RALYL: variants seen among roughly 807,000 people sequenced by gnomAD.
The protein encoded by RALYL is RNA-binding Raly-like protein.
Under a neutral mutation model 35.1 loss-of-function variants are expected in RALYL, and 29 were observed. The ratio of observed to expected loss-of-function variants is 0.83; its 90% CI spans 0.61 to 1.13. RALYL has a LOEUF of 1.13. Among genes scored for constraint, RALYL ranks in the 50% most tolerant of loss-of-function variants. The pLI is 0.00. For missense variants in RALYL, 359 were observed against 360.4 expected (o/e 1.00, Z 0.03); for synonymous variants, 120 against 127.6 (o/e 0.94, Z 0.40).
chr8:84,855,368 A>C (rs1315302906), intron 5 of RALYL, among the ~76,000 whole-genome samples: 2 of 152,240 alleles, frequency 1.3e-5, no homozygotes, highest in Non-Finnish European at 2.9e-5. Flanking sequence ...GGAGACTCTA[A>C]TGTGATTGAG....
chr8:84,460,823 T>C (rs1045245122), intron 1 of RALYL, among the ~76,000 whole-genome samples: 4 of 151,582 alleles, frequency 2.6e-5, no homozygotes, highest in Admixed American at 6.6e-5. Context: ...ACTATAGATA[T>C]AACAAATATA....
intron 2 of RALYL, chr8:84,679,878 T>A: frequency 2.8e-6 from 1 of 355,060 alleles, no homozygotes; most frequent in South Asian, 2.4e-5. Context: ...TACTTTAAGT[T>A]TTAGGGTACA....
rs753106572 is a variant in RALYL, at chr8:84,183,387, T to A, written c.-1061T>A. 1 of 153,826 alleles carries A rather than the reference T, an allele frequency of 6.5e-6. No homozygotes were observed. The highest frequency in any genetic ancestry group is 1.5e-5 in the Non-Finnish European group (1 of 68,748). The allele number at this position is 153,826 out of a possible 1,614,324, so 9.5% of individuals were successfully genotyped here. A position where few individuals can be genotyped will look rare whatever the true frequency, so the allele number is the denominator to read the frequency against. ...GCCGCCGCCGCCTCGCCAGCCAGAG[T>A]TGGGCTCCGTGGGCTTCCCCCCTCG... On this transcript the variant is annotated 5_prime_UTR_variant, in exon 1 of 9. The change creates a new upstream start codon in the 5' untranslated region. Coordinates refer to ENST00000521268, the MANE Select transcript of RALYL (RefSeq NM_173848.7).
intron 1 of RALYL, among the ~76,000 whole-genome samples, chr8:84,239,148 C>G (rs1375610826): frequency 6.6e-6 from 1 of 152,104 alleles, no homozygotes; most frequent in East Asian, 1.9e-4. Context: ...TATGGTTTGA[C>G]CATTCCATGG....
intron 1 of RALYL, among the ~76,000 whole-genome samples, chr8:84,364,011 T>C (rs6982764): frequency 0.063 from 9,659 of 152,196 alleles, 374 homozygotes; most frequent in African/African-American, 0.086. Flanking sequence ...CATGCCTACC[T>C]ATTGTTCTAC....
chr8:84,798,134 C>CTAAT (rs1347610195), intron 3 of RALYL, among the ~76,000 whole-genome samples: 1 of 152,130 alleles, frequency 6.6e-6, no homozygotes, highest in African/African-American at 2.4e-5. Context: ...ATTTAATATA[C>CTAAT]TAATTCTGCA....
chr8:84,580,591 T>C (rs1010047821), intron 2 of RALYL, among the ~76,000 whole-genome samples: 8 of 152,124 alleles, frequency 5.3e-5, no homozygotes, highest in African/African-American at 1.7e-4. Flanking sequence ...GCCTGCAACA[T>C]TAAGAATCAA....
At chr8:84,306,633 C>T (rs1432120262) in intron 1 of RALYL, among the ~76,000 whole-genome samples, 3 of 152,104 alleles carry the variant, frequency 2.0e-5, no homozygotes, top group Non-Finnish European at 4.4e-5. Context: ...AATGTTGGGC[C>T]CCCTTGTCTC....
At chr8:84,896,669 C>T (rs1016809930) in intron 8 of RALYL, among the ~76,000 whole-genome samples, 1 of 152,126 alleles carries the variant, frequency 6.6e-6, no homozygotes, top group African/African-American at 2.4e-5. Flanking sequence ...GTTTCAAGGC[C>T]TTGGCATTTG....
chr8:84,537,159 T>TAAA (rs11284312), intron 2 of RALYL, among the ~76,000 whole-genome samples: 9 of 139,126 alleles, frequency 6.5e-5, no homozygotes, highest in African/African-American at 1.6e-4. Context: ...ATATATATAT[T>TAAA]AAAAAAAAAA....
chr8:84,437,645 T>C (rs2047887620), intron 1 of RALYL, among the ~76,000 whole-genome samples: 3 of 152,118 alleles, frequency 2.0e-5, no homozygotes, highest in South Asian at 4.1e-4. Flanking sequence ...CCAAATCTCA[T>C]GTTGAATTGT....
intron 1 of RALYL, among the ~76,000 whole-genome samples, chr8:84,227,052 A>ATT (rs1554580116): frequency 3.5e-5 from 2 of 56,890 alleles, no homozygotes; most frequent in South Asian, 5.3e-4. Context: ...AAAAAATTGT[A>ATT]TTTCTTTTTT....
At chr8:84,333,221 C>A (rs1370707749) in intron 1 of RALYL, among the ~76,000 whole-genome samples, 1 of 152,064 alleles carries the variant, frequency 6.6e-6, no homozygotes, top group African/African-American at 2.4e-5. Flanking sequence ...ATGTTGGACA[C>A]CTCACTATAT....
chr8:84,560,626 C>T (rs1377659742), intron 2 of RALYL, among the ~76,000 whole-genome samples: 1 of 152,006 alleles, frequency 6.6e-6, no homozygotes, highest in Non-Finnish European at 1.5e-5. Flanking sequence ...TCTTATTTTG[C>T]ATCCAAAAAT....
At chr8:84,683,360 G>A (rs1836031255) in intron 2 of RALYL, among the ~76,000 whole-genome samples, 1 of 152,104 alleles carries the variant, frequency 6.6e-6, no homozygotes, top group Non-Finnish European at 1.5e-5. Context: ...TATTAGGTCT[G>A]CTTGGTGCAG....
chr8:84,797,720 C>T (rs1342579801), intron 3 of RALYL, among the ~76,000 whole-genome samples: 1 of 152,186 alleles, frequency 6.6e-6, no homozygotes, highest in Non-Finnish European at 1.5e-5. Context: ...TCAAACATCA[C>T]TAGATTTGGA....
intron 1 of RALYL, among the ~76,000 whole-genome samples, chr8:84,326,053 A>G (rs903450847): frequency 1.3e-5 from 2 of 152,166 alleles, no homozygotes; most frequent in Non-Finnish European, 2.9e-5. Flanking sequence ...CGGAGGTTGC[A>G]GTGAGCTGAG....
intron 1 of RALYL, among the ~76,000 whole-genome samples, chr8:84,515,964 T>C (rs1564069219): frequency 8.8e-6 from 1 of 114,046 alleles, no homozygotes; most frequent in South Asian, 2.9e-4. Context: ...TCTCAAATGA[T>C]AAAAAGAATA....
At chr8:84,830,326 T>C (rs1159705749) in intron 4 of RALYL, among the ~76,000 whole-genome samples, 3 of 151,864 alleles carry the variant, frequency 2.0e-5, no homozygotes, top group Admixed American at 6.6e-5. Flanking sequence ...ATATAATTAT[T>C]CACAAGCTAT....
Sources: gnomAD v4.1 joint callset for allele counts (sites outside exome capture counted in the v4.1 genomes callset) on GRCh38, gnomAD v4.1.1 for gene constraint, MANE v1.5 for transcripts, NCBI Gene and HGNC (gene_info 2026-07-23, HGNC 2026-07-21) for gene names.